Variants in LRRC4C observed in about 807,000 individuals in gnomAD.
The protein encoded by LRRC4C is leucine-rich repeat-containing protein 4C.
In LRRC4C, 5 loss-of-function variants were observed where a neutral mutation model predicts 33.6. That is an observed-to-expected ratio of 0.15 (90% confidence interval 0.08 to 0.31). LRRC4C has a LOEUF of 0.31. LRRC4C is among the 10% of genes least tolerant of loss of function. LRRC4C has a pLI of 1.00. For synonymous variants in LRRC4C, 329 were observed against 302.0 expected (o/e 1.09, Z -0.93); for missense variants, 560 against 796.7 (o/e 0.70, Z 3.58).
At chr11:40,245,704 C>T (rs956547046) in intron 4 of LRRC4C, among the ~76,000 whole-genome samples, 7 of 152,034 alleles carry the variant, frequency 4.6e-5, no homozygotes, top group Non-Finnish European at 1.0e-4. Context: ...AATTATTAAT[C>T]TATTCTAAGG....
chr11:40,568,638 C>T (rs1002348417), intron 3 of LRRC4C, among the ~76,000 whole-genome samples: 10 of 152,158 alleles, frequency 6.6e-5, no homozygotes, highest in Non-Finnish European at 1.3e-4. Flanking sequence ...CAGAAACACT[C>T]TCTGGACCAC....
intron 3 of LRRC4C, among the ~76,000 whole-genome samples, chr11:40,350,455 C>G (rs1590400411): frequency 6.6e-6 from 1 of 151,998 alleles, no homozygotes; most frequent in Non-Finnish European, 1.5e-5. Context: ...GTCTATGTGT[C>G]TGTTTTTATG....
chr11:40,345,896 A>G (rs1375548611), intron 3 of LRRC4C, among the ~76,000 whole-genome samples: 1 of 152,204 alleles, frequency 6.6e-6, no homozygotes, highest in African/African-American at 2.4e-5. Context: ...AAATATATGA[A>G]CACACACTTC....
chr11:41,081,432 T>C (rs1939560426), intron 1 of LRRC4C, among the ~76,000 whole-genome samples: 1 of 152,214 alleles, frequency 6.6e-6, no homozygotes, highest in African/African-American at 2.4e-5. Flanking sequence ...CTTCACCTCA[T>C]ACCAGCCATT....
In LRRC4C at chr11:41,311,812, A is replaced by G. The variant is rs185744244; in HGVS notation, c.-496+147619T>C. Among the ~76,000 whole-genome samples the G allele has an allele frequency of 3.5e-3, 528 of 152,150 alleles. 6 individuals are homozygous for G. The highest frequency in any genetic ancestry group is 0.01 in the Middle Eastern group (3 of 294). On this transcript the variant is annotated intron_variant, in intron 1 of 6. Coordinates refer to ENST00000528697, the MANE Select transcript of LRRC4C (RefSeq NM_001258419.2). ...TCTCAATCACAAATTTTGGCTTTCT[A>G]TTTTTTCTGTCGTGTGTCATAGATC...
At chr11:40,577,255 T>C (rs1958231322) in intron 3 of LRRC4C, among the ~76,000 whole-genome samples, 1 of 152,228 alleles carries the variant, frequency 6.6e-6, no homozygotes. Flanking sequence ...TAGTGGAAGA[T>C]AAAGCCTATG....
chr11:40,787,418 G>A (rs552691358), intron 2 of LRRC4C, among the ~76,000 whole-genome samples: 10 of 152,106 alleles, frequency 6.6e-5, no homozygotes, highest in Non-Finnish European at 8.8e-5. Flanking sequence ...AGGCCTCTAT[G>A]CGACTATGCG....
At chr11:40,950,123 G>C (rs979189521) in intron 1 of LRRC4C, among the ~76,000 whole-genome samples, 5 of 151,958 alleles carry the variant, frequency 3.3e-5, no homozygotes, top group African/African-American at 1.2e-4. Flanking sequence ...ACTATAGTGA[G>C]GTGTCCAAGG....
At chr11:41,392,549 CCAAA>C (rs1331404042) in intron 1 of LRRC4C, among the ~76,000 whole-genome samples, 3 of 138,954 alleles carry the variant, frequency 2.2e-5, no homozygotes, top group Non-Finnish European at 4.8e-5. Flanking sequence ...ACCACCTCCC[CCAAA>C]CAAACAAACA....
intron 3 of LRRC4C, among the ~76,000 whole-genome samples, chr11:40,589,234 G>GT (rs1346608973): frequency 6.7e-6 from 1 of 150,154 alleles, no homozygotes; most frequent in Middle Eastern, 3.2e-3. Flanking sequence ...TTATGTAATG[G>GT]TCTTCTTTGT....
At chr11:40,522,958 C>T (rs531543318) in intron 3 of LRRC4C, among the ~76,000 whole-genome samples, 7 of 152,164 alleles carry the variant, frequency 4.6e-5, no homozygotes, top group Admixed American at 1.3e-4. Context: ...ATCTATGGAA[C>T]GTTTAGGTTA....
intron 1 of LRRC4C, among the ~76,000 whole-genome samples, chr11:41,450,446 G>T (rs751324661): frequency 6.6e-6 from 1 of 152,156 alleles, no homozygotes; most frequent in Non-Finnish European, 1.5e-5. Flanking sequence ...AACTGTTTCT[G>T]GCTTTAAGTG....
rs147069408 is a variant in LRRC4C at position 40,274,908 on chromosome 11, T to C, written c.-175-33310A>G. On this transcript the variant is annotated intron_variant, in intron 4 of 6. Coordinates refer to ENST00000528697, the MANE Select transcript of LRRC4C (RefSeq NM_001258419.2). ...GCTACAAGTGAAATGCACCCATATT[T>C]TCTATTTCACTTGCAACCACCTGCT... 5.5e-3 allele frequency among the ~76,000 whole-genome samples: 833 copies of C among 152,268 alleles called. 5 individuals are homozygous for C. The highest frequency in any genetic ancestry group is 0.018 in the African/African-American group (740 of 41,562).
chr11:41,421,316 G>C (rs939183748), intron 1 of LRRC4C, among the ~76,000 whole-genome samples: 9 of 151,916 alleles, frequency 5.9e-5, no homozygotes, highest in African/African-American at 2.2e-4. Flanking sequence ...CTCTGATATG[G>C]ACTACTACAC....
intron 1 of LRRC4C, among the ~76,000 whole-genome samples, chr11:40,945,017 G>GTTTT (rs1958327148): frequency 7.4e-6 from 1 of 134,652 alleles, no homozygotes; most frequent in African/African-American, 2.9e-5. Context: ...CAACTTTGCA[G>GTTTT]TTTTTCTTTT....
At chr11:40,360,445 A>G (rs1169584375) in intron 3 of LRRC4C, among the ~76,000 whole-genome samples, 2 of 152,224 alleles carry the variant, frequency 1.3e-5, no homozygotes, top group Non-Finnish European at 2.9e-5. Context: ...GCAGGTGGAA[A>G]ACACTCTGCT....
chr11:40,731,460 A>G (rs1449452005), intron 2 of LRRC4C, among the ~76,000 whole-genome samples: 1 of 152,158 alleles, frequency 6.6e-6, no homozygotes, highest in Non-Finnish European at 1.5e-5. Flanking sequence ...CCAGAAGCCA[A>G]GCAGATGCTG....
intron 2 of LRRC4C, among the ~76,000 whole-genome samples, chr11:40,750,475 T>C (rs1948629364): frequency 6.6e-6 from 1 of 151,296 alleles, no homozygotes; most frequent in South Asian, 2.1e-4. Context: ...TATGCAGCCA[T>C]AAAAAAGGAT....
chr11:40,248,835 A>T (rs1324872639), intron 4 of LRRC4C, among the ~76,000 whole-genome samples: 1 of 152,222 alleles, frequency 6.6e-6, no homozygotes, highest in African/African-American at 2.4e-5. Context: ...TCCCTCATAA[A>T]TATGTACAAT....
Sources: allele counts gnomAD v4.1 joint callset (sites outside exome capture counted in the v4.1 genomes callset), GRCh38; gene constraint gnomAD v4.1.1; transcripts MANE v1.5; gene names NCBI Gene and HGNC (gene_info 2026-07-23, HGNC 2026-07-21).